Variants in NBAS observed in about 807,000 individuals in gnomAD.
The protein encoded by NBAS is NAG/BC035112 fusion.
Under a neutral mutation model 302.5 loss-of-function variants are expected in NBAS, and 219 were observed. That is an observed-to-expected ratio of 0.72 (90% CI 0.65 to 0.81). NBAS has a LOEUF of 0.81. NBAS is among the 30% of genes least tolerant of loss of function. The probability of loss-of-function intolerance (pLI) is 0.00; values close to 1 mark genes in which losing one functional copy is unlikely to be tolerated. For synonymous variants in NBAS, 1,118 were observed against 1,021.6 expected (o/e 1.09, Z -1.80); for missense variants, 2,932 against 2,841.6 (o/e 1.03, Z -0.72).
At chr2:15,490,169 T>C (rs1203103036) in intron 11 of NBAS, among the ~76,000 whole-genome samples, 2 of 152,156 alleles carry the variant, frequency 1.3e-5, no homozygotes, top group African/African-American at 2.4e-5. Flanking sequence ...TTACACTTGA[T>C]CCAATTCACT....
At chr2:14,910,807 G>C in the NBAS span, among the ~76,000 whole-genome samples, 1 of 152,140 alleles carries the variant, frequency 6.6e-6, no homozygotes, top group African/African-American at 2.4e-5. Flanking sequence ...ATTTGTCTTT[G>C]TTGGGGCTAA....
intron 2 of NBAS, among the ~76,000 whole-genome samples, chr2:15,557,444 C>T (rs553022082): frequency 2.0e-5 from 3 of 152,054 alleles, no homozygotes; most frequent in Admixed American, 1.3e-4. Flanking sequence ...TCTGTATTTT[C>T]TACAATGAAT....
At chr2:15,539,531 T>TG (rs1663695468) in intron 6 of NBAS, among the ~76,000 whole-genome samples, 175 bp from the exon 7 acceptor site, 2 of 152,156 alleles carry the variant, frequency 1.3e-5, no homozygotes, top group Admixed American at 1.3e-4. Context: ...ACACTTCAAG[T>TG]AAGAGTGGGA....
intron 28 of NBAS, among the ~76,000 whole-genome samples, chr2:15,390,563 A>G (rs1174022689): frequency 6.6e-6 from 1 of 151,974 alleles, no homozygotes; most frequent in Non-Finnish European, 1.5e-5. Flanking sequence ...TGTCCTGTAT[A>G]TGGGATCACG....
chr2:14,937,876 A>T, the NBAS span, among the ~76,000 whole-genome samples: 4 of 152,146 alleles, frequency 2.6e-5, no homozygotes, highest in East Asian at 7.7e-4. Flanking sequence ...CACGCCTGTA[A>T]TCCCAGCACT....
the NBAS span, among the ~76,000 whole-genome samples, chr2:15,068,860 G>A: frequency 6.6e-6 from 1 of 152,128 alleles, no homozygotes; most frequent in Non-Finnish European, 1.5e-5. Flanking sequence ...ATAAGAAAGG[G>A]GATTTATTCT....
the NBAS span, among the ~76,000 whole-genome samples, chr2:15,126,711 G>A: frequency 6.6e-6 from 1 of 152,210 alleles, no homozygotes; most frequent in Non-Finnish European, 1.5e-5. Context: ...TTGGAAGGCA[G>A]TTGGTAGGTA....
Position 15,351,870 on chromosome 2 carries a change from G to GCACA in NBAS, c.4179+118_4179+121dup, listed in dbSNP as rs10605991. 1,918 of 701,690 alleles carry GCACA rather than the reference G, an allele frequency of 2.7e-3. 7 individuals carry two copies. The highest frequency in any genetic ancestry group is 0.015 in the African/African-American group (813 of 55,264). The allele number at this position is 701,690 out of a possible 1,614,324, so 43.5% of individuals were successfully genotyped here. A position where few individuals can be genotyped will look rare whatever the true frequency, so the allele number is the denominator to read the frequency against. On this transcript the variant is annotated intron_variant, in intron 35 of 51. Transcript: ENST00000281513. ...AGCTGAAAAGAAAAGTGGTCTGCAT[G>GCACA]CACACACACACACACACACACACAC...
intron 43 of NBAS, 82 bp from the exon 44 acceptor site, chr2:15,275,900 C>T: frequency 1.7e-6 from 2 of 1,168,540 alleles, no homozygotes; most frequent in South Asian, 2.5e-5. Context: ...ACACATAGCC[C>T]TCTATATGTC....
At chr2:14,992,064 T>C in the NBAS span, among the ~76,000 whole-genome samples, 1 of 152,280 alleles carries the variant, frequency 6.6e-6, no homozygotes, top group East Asian at 1.9e-4. Context: ...CAGAGCTCAG[T>C]GTGGGCAATG....
At chr2:15,020,977 A>G in the NBAS span, among the ~76,000 whole-genome samples, 2 of 152,162 alleles carry the variant, frequency 1.3e-5, no homozygotes, top group African/African-American at 2.4e-5. Flanking sequence ...CATGCCTATA[A>G]TCCCAGCACT....
intron 22 of NBAS, among the ~76,000 whole-genome samples, chr2:15,425,852 C>T (rs781554754): frequency 6.6e-5 from 10 of 152,110 alleles, no homozygotes; most frequent in African/African-American, 2.2e-4. Flanking sequence ...TAGAACTGAC[C>T]GCTCCTCCTT....
At chr2:15,189,515 G>A (rs1237328862) in intron 49 of NBAS, among the ~76,000 whole-genome samples, 1 of 152,146 alleles carries the variant, frequency 6.6e-6, no homozygotes, top group East Asian at 1.9e-4. Flanking sequence ...TGCGACAAGG[G>A]CATTGGTGCT....
At chr2:15,203,907 T>TGTGTGC (rs1459064531) in intron 48 of NBAS, among the ~76,000 whole-genome samples, 1 of 150,854 alleles carries the variant, frequency 6.6e-6, no homozygotes, top group Non-Finnish European at 1.5e-5. Flanking sequence ...TGTGTGTGTG[T>TGTGTGC]GTGTGTGTGT....
chr2:14,831,219 T>C, the NBAS span, among the ~76,000 whole-genome samples: 1 of 150,700 alleles, frequency 6.6e-6, no homozygotes, highest in African/African-American at 2.4e-5. Flanking sequence ...TCAAACATCA[T>C]GCCTTTAAAT....
the NBAS span, among the ~76,000 whole-genome samples, chr2:14,796,359 C>A: frequency 6.6e-6 from 1 of 152,172 alleles, no homozygotes; most frequent in Non-Finnish European, 1.5e-5. Context: ...TGGAACCAAG[C>A]TGTTAGTTTC....
At chr2:15,166,694 A>C (rs890775948), downstream of NBAS, among the ~76,000 whole-genome samples, 4 of 152,172 alleles carry the variant, frequency 2.6e-5, no homozygotes, top group Non-Finnish European at 5.9e-5. Flanking sequence ...ACCGCCAGGC[A>C]TTCTGCACAC....
At chr2:15,191,119 T>G (rs1243096651) in intron 48 of NBAS, among the ~76,000 whole-genome samples, 1 of 152,182 alleles carries the variant, frequency 6.6e-6, no homozygotes, top group Non-Finnish European at 1.5e-5. Context: ...AGCCAAAGTC[T>G]GGTTCTCTCA....
intron 5 of NBAS, 39 bp from the exon 6 acceptor site, chr2:15,551,575 A>G (rs1664387626): frequency 1.3e-6 from 2 of 1,517,134 alleles, no homozygotes; most frequent in Non-Finnish European, 1.8e-6. Flanking sequence ...GTTTTATCGT[A>G]ACACTGTATA....
Sources: gnomAD v4.1 joint callset for allele counts (sites outside exome capture counted in the v4.1 genomes callset) on GRCh38, gnomAD v4.1.1 for gene constraint, MANE v1.5 for transcripts, NCBI Gene and HGNC (gene_info 2026-07-23, HGNC 2026-07-21) for gene names.